The following ERN1 variants were observed in gnomAD, a reference collection of about 807,000 sequenced individuals.
ERN1 encodes the protein endoplasmic reticulum to nucleus signaling 1, also known as serine/threonine-protein kinase/endoribonuclease IRE1.
In ERN1, 39 loss-of-function variants were observed where a neutral mutation model predicts 113.1. The ratio of observed to expected loss-of-function variants is 0.34; its 90% CI spans 0.27 to 0.45. The LOEUF is 0.45. Ranked by LOEUF, ERN1 falls within the 20% of genes least tolerant of loss-of-function variation. The probability of loss-of-function intolerance (pLI) is 1.00; values close to 1 mark genes in which losing one functional copy is unlikely to be tolerated. For missense variants in ERN1, 976 were observed against 1,274.8 expected (o/e 0.77, Z 3.57); for synonymous variants, 507 against 515.9 (o/e 0.98, Z 0.23).
chr17:64,093,885 G>A (rs925503888), intron 2 of ERN1, among the ~76,000 whole-genome samples: 1 of 152,208 alleles, frequency 6.6e-6, no homozygotes, highest in Admixed American at 6.5e-5. Context: ...AGTGGTATCC[G>A]TAGGGAGAGC....
At chr17:64,107,570 C>A (rs139022860) in intron 1 of ERN1, among the ~76,000 whole-genome samples, 1 of 152,278 alleles carries the variant, frequency 6.6e-6, no homozygotes, top group Non-Finnish European at 1.5e-5. Context: ...AATCTTCCCG[C>A]CTCACCTCTC....
chr17:64,091,235 AG>A (rs1914079859), intron 2 of ERN1, among the ~76,000 whole-genome samples: 2 of 152,246 alleles, frequency 1.3e-5, no homozygotes, highest in South Asian at 4.1e-4. Flanking sequence ...AAAGCAGGAC[AG>A]AAAAACCAAC....
intron 9 of ERN1, among the ~76,000 whole-genome samples, chr17:64,064,572 C>CA (rs1913157211): frequency 6.6e-6 from 1 of 152,216 alleles, no homozygotes; most frequent in South Asian, 2.1e-4. Flanking sequence ...GCTGTCTATT[C>CA]ACAGAAGCAG....
intron 12 of ERN1, among the ~76,000 whole-genome samples, chr17:64,056,460 T>TACATCTGCATAC (rs1163936493): frequency 6.6e-6 from 1 of 152,102 alleles, no homozygotes; most frequent in Non-Finnish European, 1.5e-5. Context: ...GTATGCAGAG[T>TACATCTGCATAC]ACATCTGCAT....
chr17:64,098,666 A>C (rs952608938), intron 1 of ERN1: 3 of 468,398 alleles, frequency 6.4e-6, no homozygotes, highest in Middle Eastern at 3.9e-4. Flanking sequence ...AAAAGCAAAG[A>C]ATTAGGGGAA....
At chr17:64,084,115 G>A (rs1913851925) in intron 2 of ERN1, among the ~76,000 whole-genome samples, 1 of 151,808 alleles carries the variant, frequency 6.6e-6, no homozygotes, top group African/African-American at 2.4e-5. Context: ...AACTGGACAC[G>A]CCCACTACTT....
At chr17:64,113,448 C>G (rs1238634027) in intron 1 of ERN1, among the ~76,000 whole-genome samples, 1 of 152,116 alleles carries the variant, frequency 6.6e-6, no homozygotes, top group Non-Finnish European at 1.5e-5. Flanking sequence ...ACATTTCCAG[C>G]TATGGCCAAA....
chr17:64,075,050 A>T, intron 5 of ERN1, 125 bp downstream of exon 5: 1 of 803,470 alleles, frequency 1.2e-6, no homozygotes, highest in Non-Finnish European at 2.1e-6. Context: ...CAGCACCTGA[A>T]GCACAACCCA....
chr17:64,123,269 C>T (rs1914997525), intron 1 of ERN1, among the ~76,000 whole-genome samples: 1 of 152,080 alleles, frequency 6.6e-6, no homozygotes. Context: ...GAGAATTATC[C>T]CGAGGTATTT....
At chr17:64,081,698 ATTTC>A (rs1412768320) in intron 2 of ERN1, among the ~76,000 whole-genome samples, 1 of 152,242 alleles carries the variant, frequency 6.6e-6, no homozygotes, top group Non-Finnish European at 1.5e-5. Context: ...ATATCTTAAA[ATTTC>A]TGCAAGAGCA....
At chr17:64,088,851 T>C (rs1182038287) in intron 2 of ERN1, among the ~76,000 whole-genome samples, 1 of 151,924 alleles carries the variant, frequency 6.6e-6, no homozygotes, top group Non-Finnish European at 1.5e-5. Flanking sequence ...AGTGAAAAAA[T>C]GTCACTGTGT....
At chr17:64,093,994 A>G (rs1201017850) in intron 2 of ERN1, among the ~76,000 whole-genome samples, 1 of 152,200 alleles carries the variant, frequency 6.6e-6, no homozygotes, top group Non-Finnish European at 1.5e-5. Context: ...GGGACCAGGG[A>G]TGCTAGCGGT....
At chr17:64,046,640 G>C (rs1403439193) in intron 19 of ERN1, among the ~76,000 whole-genome samples, 1 of 152,182 alleles carries the variant, frequency 6.6e-6, no homozygotes, top group African/African-American at 2.4e-5. Flanking sequence ...TAGGAGGCAG[G>C]GACACAGTAG....
chr17:64,044,075 C>G lies in ERN1; in HGVS notation c.2847G>C (p.Glu949Asp), dbSNP rs776309586. 1.2e-6 allele frequency: 2 copies of G among 1,613,686 alleles called. No individual in the cohort carries two copies. Among genetic ancestry groups the G allele is most frequent in the East Asian group, 4.5e-5 (2 of 44,864 alleles). Residue 949 changes from glutamate to aspartate, a missense_variant, in exon 22 of 22, where the codon GAG (glutamate) becomes GAC (aspartate). By Grantham distance (45) the Glu-to-Asp change is conservative. Coordinates refer to ENST00000433197, the MANE Select transcript of ERN1 (RefSeq NM_001433.5). This position sits in a 1 kb window ranked among gnomAD's most constrained non-coding sequence, Gnocchi z 4.1. ...HLLAHTYRAM[E>D]LCSHERLFQP... ...GGAAGAGTCTCTCGTGGCTGCACAG[C>G]TCCATGGCCCGGTAGGTGTGTGCGA...
chr17:64,066,788 T>C lies in ERN1; in HGVS notation c.725A>G (p.His242Arg), dbSNP rs994820091. ...CAGGGTCTCCACAGCGACATTGATG[T>C]GCATCACCTTCCTCAGACCCTCCCG... ...WQREGLRKVM[H>R]INVAVETLRY... The change falls in exon 8 of 22, where the codon CAC becomes CGC. Residue 242 changes from histidine (H) to arginine (R), a missense_variant. His to Arg is a conservative substitution (Grantham distance 29). This residue lies in a region of ERN1 where 459 missense variants were observed against 581.2 expected (regional missense o/e 0.79). Transcript: ENST00000433197. The C allele has an allele frequency of 1.9e-6, 3 of 1,613,894 alleles. No individual in the cohort carries two copies.
chr17:64,107,840 G>C (rs1486883608), intron 1 of ERN1, among the ~76,000 whole-genome samples: 1 of 152,188 alleles, frequency 6.6e-6, no homozygotes, highest in African/African-American at 2.4e-5. Context: ...CTGTTTTAAA[G>C]ATTTCAGTCC....
At chr17:64,110,472 A>C (rs1914642824) in intron 1 of ERN1, among the ~76,000 whole-genome samples, 1 of 152,204 alleles carries the variant, frequency 6.6e-6, no homozygotes, top group East Asian at 1.9e-4. Flanking sequence ...AATGGTTTTA[A>C]AAAATGTCCT....
intron 6 of ERN1, among the ~76,000 whole-genome samples, chr17:64,070,217 A>G (rs1913366935): frequency 6.6e-6 from 1 of 152,214 alleles, no homozygotes; most frequent in Admixed American, 6.5e-5. Context: ...AGTCTCAGAT[A>G]CATGAGTGAG....
At chr17:64,098,066 C>T (rs921113443) in intron 2 of ERN1, 55 bp downstream of exon 2, 17 of 1,600,508 alleles carry the variant, frequency 1.1e-5, no homozygotes, top group Non-Finnish European at 1.5e-5. Flanking sequence ...GAATATGTTT[C>T]TGTGGAACCA....
Sources: allele counts gnomAD v4.1 joint callset (sites outside exome capture counted in the v4.1 genomes callset), GRCh38; gene constraint gnomAD v4.1.1; regional missense constraint gnomAD v4.1.1; non-coding constraint Gnocchi (gnomAD v3.1); transcripts MANE v1.5; gene names NCBI Gene and HGNC (gene_info 2026-07-23, HGNC 2026-07-21).